Variants in CAST observed in about 807,000 individuals in gnomAD.
CAST encodes the protein calpastatin.
In CAST, 76 loss-of-function variants were observed where a neutral mutation model predicts 119.6. The observed-to-expected ratio is 0.64, with a 90% CI of 0.53 to 0.77. The LOEUF (loss-of-function observed/expected upper bound fraction) is 0.77, where lower values mean the gene tolerates loss of function less well. Among genes scored for constraint, CAST ranks in the 30% least tolerant of loss-of-function variants. CAST has a pLI of 0.00. For missense variants in CAST, 953 were observed against 946.5 expected, an observed-to-expected ratio of 1.01 and a Z score of -0.09; for synonymous variants, 319 against 331.6, an observed-to-expected ratio of 0.96 and a Z score of 0.41.
chr5:96,283,497 C>T, the CAST span, among the ~76,000 whole-genome samples: 1 of 152,208 alleles, frequency 6.6e-6, no homozygotes, highest in African/African-American at 2.4e-5. Context: ...CAAGACGGAT[C>T]CAAACTCCCT....
chr5:96,531,834 G>A (rs1326631707), intron 1 of CAST, among the ~76,000 whole-genome samples: 1 of 152,048 alleles, frequency 6.6e-6, no homozygotes, highest in African/African-American at 2.4e-5. Flanking sequence ...AACCCTCAAA[G>A]CCTAAGAAAG....
chr5:96,429,185 G>A, the CAST span: 1 of 1,102,754 alleles, frequency 9.1e-7, no homozygotes, highest in Non-Finnish European at 1.4e-6. Flanking sequence ...CTAGAGTATT[G>A]GTTTGAAGAC....
In CAST at chr5:96,662,496, A is replaced by C. The variant is rs924323747; in HGVS notation, c.74A>C (p.Glu25Ala). The C allele has an allele frequency of 7.4e-5, 104 of 1,406,322 alleles. No individual in the cohort carries two copies. The Middle Eastern group carries it at 2.0e-3, about 27-fold the overall frequency. 87.1% of individuals were successfully genotyped at this position (1,406,322 alleles called of 1,614,324 possible). ...RRAAAARRTH[E>A]HVSEKTSESP... is the part of the protein sequence containing the mutation. ...GCAGCCGCCGCCCGCCGCACCCATGAGGTGAGTGGCGCTCCTGTCGGCGTC... is the reference window on the plus strand; with the variant it reads ...GCAGCCGCCGCCCGCCGCACCCATGCGGTGAGTGGCGCTCCTGTCGGCGTC... Residue 25 changes from glutamate (E) to alanine (A), a missense_variant and splice_region_variant, in exon 1 of 32, where the codon GAG becomes GCG. By Grantham distance (107) the Glu-to-Ala change is moderately radical. Coordinates refer to ENST00000675179, the MANE Select transcript of CAST (RefSeq NM_001750.7).
the CAST span, among the ~76,000 whole-genome samples, chr5:96,196,365 TC>T: frequency 5.8e-4 from 88 of 152,328 alleles, no homozygotes; most frequent in African/African-American, 2.0e-3. Flanking sequence ...GTTTACTTAT[TC>T]AACAGATACC....
chr5:96,538,664 G>GT (rs1429299771), intron 1 of CAST, among the ~76,000 whole-genome samples: 7 of 109,618 alleles, frequency 6.4e-5, no homozygotes, highest in African/African-American at 2.1e-4. Context: ...TGCAACATCT[G>GT]TTTTTTTAAA....
chr5:96,221,907 GAC>G, the CAST span, among the ~76,000 whole-genome samples: 1 of 152,036 alleles, frequency 6.6e-6, no homozygotes, highest in Non-Finnish European at 1.5e-5. Context: ...TATAAAAATA[GAC>G]ACACAGTCGA....
At chr5:96,496,238 TTTG>T in the CAST span, among the ~76,000 whole-genome samples, 3 of 152,200 alleles carry the variant, frequency 2.0e-5, no homozygotes, top group Admixed American at 6.5e-5. Flanking sequence ...TTTATCATAT[TTTG>T]TTGTTACTCT....
intron 11 of CAST, among the ~76,000 whole-genome samples, chr5:96,738,902 T>A (rs1407805671): frequency 7.2e-6 from 1 of 138,440 alleles, no homozygotes; most frequent in Non-Finnish European, 1.5e-5. Flanking sequence ...GCCATTGCAC[T>A]CCAGCCTGGG....
chr5:96,095,546 G>A, the CAST span, among the ~76,000 whole-genome samples: 2 of 97,400 alleles, frequency 2.1e-5, no homozygotes, highest in Non-Finnish European at 3.6e-5. Context: ...GGGCAACAGA[G>A]ACTCTGTTTC....
At chr5:96,403,961 A>G in the CAST span, among the ~76,000 whole-genome samples, 2 of 152,138 alleles carry the variant, frequency 1.3e-5, no homozygotes, top group African/African-American at 2.4e-5. Flanking sequence ...AAGGGATTCA[A>G]TGGTTCACTT....
chr5:96,166,059 CT>C, the CAST span, among the ~76,000 whole-genome samples: 2 of 152,154 alleles, frequency 1.3e-5, no homozygotes, highest in African/African-American at 2.4e-5. Flanking sequence ...TGCTTGGTAG[CT>C]TTTGCCAATA....
At chr5:96,511,260 T>C in the CAST span, among the ~76,000 whole-genome samples, 6 of 152,242 alleles carry the variant, frequency 3.9e-5, no homozygotes, top group Non-Finnish European at 8.8e-5. Flanking sequence ...TTCTCCTGCC[T>C]CAGCCTCCTG....
chr5:96,535,862 T>C (rs62365725), intron 1 of CAST, among the ~76,000 whole-genome samples: 92,681 of 150,778 alleles, frequency 0.61, 28,806 homozygotes, highest in East Asian at 0.87. Flanking sequence ...CGTGAGCCAC[T>C]GCACCTGGCC....
the CAST span, among the ~76,000 whole-genome samples, chr5:96,320,010 C>A: frequency 2.0e-5 from 3 of 150,160 alleles, no homozygotes; most frequent in Non-Finnish European, 4.4e-5. Context: ...GGTGTTGACA[C>A]CCCTTCATAT....
chr5:96,280,817 C>T, the CAST span, among the ~76,000 whole-genome samples: 1 of 151,810 alleles, frequency 6.6e-6, no homozygotes, highest in Non-Finnish European at 1.5e-5. Flanking sequence ...TAACACTAAG[C>T]CCCTGTTACC....
chr5:96,197,308 A>G, the CAST span, among the ~76,000 whole-genome samples: 1 of 152,186 alleles, frequency 6.6e-6, no homozygotes, highest in Non-Finnish European at 1.5e-5. Context: ...CCCAAGTGGA[A>G]CACAGTCTCC....
At chr5:95,978,277 T>C in the CAST span, among the ~76,000 whole-genome samples, 1 of 152,236 alleles carries the variant, frequency 6.6e-6, no homozygotes, top group Non-Finnish European at 1.5e-5. Context: ...AGTGTATATG[T>C]GTTCTTCTTT....
At chr5:96,366,493 A>C in the CAST span, among the ~76,000 whole-genome samples, 1 of 152,188 alleles carries the variant, frequency 6.6e-6, no homozygotes, top group African/African-American at 2.4e-5. Context: ...GTCTTTTCAC[A>C]TAGTCCCATA....
the CAST span, among the ~76,000 whole-genome samples, chr5:96,152,691 A>T: frequency 2.0e-5 from 3 of 152,218 alleles, no homozygotes; most frequent in East Asian, 1.9e-4. Flanking sequence ...GCTTTTCATT[A>T]TATCTATTTG....
Sources: allele counts gnomAD v4.1 joint callset (sites outside exome capture counted in the v4.1 genomes callset), GRCh38; gene constraint gnomAD v4.1.1; transcripts MANE v1.5; gene names NCBI Gene and HGNC (gene_info 2026-07-23, HGNC 2026-07-21).